Variants in SDK1 observed in about 807,000 individuals in gnomAD.
SDK1 encodes sidekick cell adhesion molecule 1.
Under a neutral mutation model 245.5 loss-of-function variants are expected in SDK1, and 157 were observed. The observed-to-expected ratio is 0.64, with a 90% CI of 0.56 to 0.73. SDK1 has a LOEUF of 0.73. Ranked by LOEUF, SDK1 falls within the 30% of genes least tolerant of loss-of-function variation. The probability of loss-of-function intolerance (pLI) is 0.00; values close to 1 mark genes in which losing one functional copy is unlikely to be tolerated. For missense variants in SDK1, 3,583 were observed against 3,002.3 expected, an observed-to-expected ratio of 1.19 and a Z score of -4.52; for synonymous variants, 1,647 against 1,278.5, an observed-to-expected ratio of 1.29 and a Z score of -6.15.
At position 3,435,383 on chromosome 7, in the gene SDK1, T is replaced by C. The variant is rs533047731; in HGVS notation, c.298+133499T>C. On this transcript the variant is annotated intron_variant, in intron 1 of 44. Coordinates refer to ENST00000404826, the MANE Select transcript of SDK1 (RefSeq NM_152744.4). ...TCTTGCTTTGTTGCCCAGGCTGGAG[T>C]GCAGTGACTTGATCTCAGCTCACTG... Among the ~76,000 whole-genome samples, 19 of 132,238 alleles carry C rather than the reference T, an allele frequency of 1.4e-4. No individual in the cohort carries two copies. In the South Asian group the frequency reaches 4.4e-3, roughly 31 times the overall value. The allele number at this position is 132,238 out of a possible 152,430, so 86.8% of individuals were successfully genotyped here. A position where few individuals can be genotyped will look rare whatever the true frequency, so the allele number is the denominator to read the frequency against.
chr7:3,909,385 G>T (rs921376198), intron 5 of SDK1, among the ~76,000 whole-genome samples: 1 of 152,210 alleles, frequency 6.6e-6, no homozygotes, highest in Non-Finnish European at 1.5e-5. Flanking sequence ...CTGTGGAGCA[G>T]CTGTGGAGCA....
At chr7:3,969,497 G>A in intron 11 of SDK1, 73 bp downstream of exon 11, 1 of 1,211,666 alleles carries the variant, frequency 8.3e-7, no homozygotes, top group Non-Finnish European at 1.1e-6. Context: ...GTGCTTTGGG[G>A]ATGTCAGCAT....
chr7:3,609,975 A>G (rs762317779), intron 1 of SDK1, among the ~76,000 whole-genome samples: 50 of 152,186 alleles, frequency 3.3e-4, no homozygotes, highest in Admixed American at 8.5e-4. Context: ...TGCTGGGATC[A>G]TAGGCAGGAG....
rs76407730 is a variant in SDK1, at chr7:3,949,968, G to A, written c.848-955G>A. 2.5e-3 allele frequency among the ~76,000 whole-genome samples: 377 copies of A among 152,294 alleles called. 2 individuals are homozygous for A. The highest frequency in any genetic ancestry group is 8.7e-3 in the African/African-American group (361 of 41,568). On this transcript the variant is annotated intron_variant, in intron 5 of 44. Transcript: ENST00000404826. ...CTTTCCAGTGACACCCATGCCTAAC[G>A]TAGTGGCTGATACATGAAATATTTG...
At chr7:3,904,890 G>A (rs1781911046) in intron 5 of SDK1, among the ~76,000 whole-genome samples, 1 of 151,826 alleles carries the variant, frequency 6.6e-6, no homozygotes, top group African/African-American at 2.4e-5. Flanking sequence ...CTACTCGGGA[G>A]ACTGAGGCAG....
chr7:3,511,810 A>T (rs967092156), intron 1 of SDK1, among the ~76,000 whole-genome samples: 2 of 150,204 alleles, frequency 1.3e-5, no homozygotes, highest in Admixed American at 6.7e-5. Flanking sequence ...TTTTTTTTTA[A>T]CTTTTTAGAG....
At chr7:3,961,896 C>G (rs563610242) in intron 8 of SDK1, among the ~76,000 whole-genome samples, 1 of 152,088 alleles carries the variant, frequency 6.6e-6, no homozygotes, top group Non-Finnish European at 1.5e-5. Flanking sequence ...CACATATATG[C>G]AGGTGCACAT....
At chr7:4,186,915 G>C (rs911797956) in intron 35 of SDK1, among the ~76,000 whole-genome samples, 2 of 152,176 alleles carry the variant, frequency 1.3e-5, no homozygotes, top group Non-Finnish European at 1.5e-5. Context: ...TTGGGGTCTA[G>C]TAGTGGCCAG....
intron 1 of SDK1, among the ~76,000 whole-genome samples, chr7:3,304,652 A>G (rs992113116): frequency 6.6e-6 from 1 of 152,182 alleles, no homozygotes; most frequent in African/African-American, 2.4e-5. Context: ...ATGAAGCTGT[A>G]GAGTACCTAC....
At chr7:4,096,031 G>A (rs1311953433) in intron 22 of SDK1, among the ~76,000 whole-genome samples, 1 of 152,212 alleles carries the variant, frequency 6.6e-6, no homozygotes, top group Non-Finnish European at 1.5e-5. Context: ...TAGGCAGTGT[G>A]GACATGTGGG....
At chr7:3,943,518 A>G (rs1356976215) in intron 5 of SDK1, among the ~76,000 whole-genome samples, 1 of 149,470 alleles carries the variant, frequency 6.7e-6, no homozygotes, top group Admixed American at 6.7e-5. Context: ...TTCAGAGCGG[A>G]GTCCATTTCC....
intron 1 of SDK1, among the ~76,000 whole-genome samples, chr7:3,593,018 G>A (rs1780933375): frequency 1.3e-5 from 2 of 152,182 alleles, no homozygotes; most frequent in African/African-American, 4.8e-5. Context: ...CTGACACCTG[G>A]ACAAAACGAG....
At chr7:4,106,104 CCTGAAA>C (rs1195438172) in intron 22 of SDK1, among the ~76,000 whole-genome samples, 3 of 152,068 alleles carry the variant, frequency 2.0e-5, no homozygotes, top group Non-Finnish European at 4.4e-5. Flanking sequence ...TGATCCTGGC[CCTGAAA>C]CTGTTTTATG....
At chr7:4,131,212 C>T (rs1045477921) in intron 27 of SDK1, among the ~76,000 whole-genome samples, 1 of 152,210 alleles carries the variant, frequency 6.6e-6, no homozygotes, top group African/African-American at 2.4e-5. Context: ...TGCAACTGTT[C>T]CCTCCTGAAG....
At chr7:3,947,530 T>TGTGTGTG (rs1554286519) in intron 5 of SDK1, among the ~76,000 whole-genome samples, 4 of 140,376 alleles carry the variant, frequency 2.8e-5, no homozygotes, top group Non-Finnish European at 6.2e-5. Context: ...AAGTATTTGC[T>TGTGTGTG]TGTGTGTGTG....
intron 22 of SDK1, among the ~76,000 whole-genome samples, chr7:4,105,765 C>T (rs940211847): frequency 6.6e-6 from 1 of 152,148 alleles, no homozygotes; most frequent in African/African-American, 2.4e-5. Context: ...TTCCGAAAGG[C>T]CCGGATGCTC....
At chr7:3,530,255 C>T (rs183492083) in intron 1 of SDK1, among the ~76,000 whole-genome samples, 6 of 152,092 alleles carry the variant, frequency 3.9e-5, no homozygotes, top group Admixed American at 1.3e-4. Context: ...TTTCAACTTG[C>T]CTGAGAGTAG....
intron 4 of SDK1, among the ~76,000 whole-genome samples, chr7:3,788,122 G>A (rs550897267): frequency 5.3e-5 from 8 of 152,244 alleles, no homozygotes; most frequent in Admixed American, 3.3e-4. Flanking sequence ...CTTCTGCTTC[G>A]ATTGAAGCAG....
In SDK1 at chr7:4,220,326, C is replaced by G. The variant is rs1785073578; in HGVS notation, c.5701+56C>G. ...AATTGCAACTTTAGCCTCCCGCCTC[C>G]TGCTTCACTGAGCTGAGATCCATCT... On this transcript the variant is annotated intron_variant, in intron 39 of 44. Coordinates refer to ENST00000404826, the MANE Select transcript of SDK1 (RefSeq NM_152744.4). 2.1e-5 allele frequency: 33 copies of G among 1,547,134 alleles called. No individual in the cohort carries two copies. In the South Asian group the frequency reaches 3.6e-4, roughly 17 times the overall value.
Sources: allele counts gnomAD v4.1 joint callset (sites outside exome capture counted in the v4.1 genomes callset), GRCh38; gene constraint gnomAD v4.1.1; transcripts MANE v1.5; gene names NCBI Gene and HGNC (gene_info 2026-07-23, HGNC 2026-07-21).